The following MAPK6 variants were observed in gnomAD, a reference collection of about 807,000 sequenced individuals.
MAPK6 encodes ERK-3.
A neutral mutation model predicts 59.3 loss-of-function variants in MAPK6; 19 were observed. The ratio of observed to expected loss-of-function variants is 0.32; its 90% CI spans 0.22 to 0.47. MAPK6 has a LOEUF of 0.47. MAPK6 is among the 20% of genes least tolerant of loss of function. The pLI is 1.00. For missense variants in MAPK6, 724 were observed against 847.9 expected, an observed-to-expected ratio of 0.85 and a Z score of 1.81; for synonymous variants, 316 against 290.3, an observed-to-expected ratio of 1.09 and a Z score of -0.90.
At chr15:51,999,350 G>T (rs1164509435) in intron 2 of MAPK6, among the ~76,000 whole-genome samples, 1 of 152,168 alleles carries the variant, frequency 6.6e-6, no homozygotes, top group African/African-American at 2.4e-5. Context: ...GTATCTCATT[G>T]TAGGTTTGAT....
chr15:51,977,017 G>A (rs953621481), intron 1 of MAPK6, among the ~76,000 whole-genome samples: 7 of 151,434 alleles, frequency 4.6e-5, no homozygotes, highest in South Asian at 2.1e-4. Context: ...ATTTTTGGGG[G>A]AAGGGGGATG....
At chr15:51,977,307 C>T (rs533396776) in intron 1 of MAPK6, among the ~76,000 whole-genome samples, 1 of 151,556 alleles carries the variant, frequency 6.6e-6, no homozygotes, top group East Asian at 1.9e-4. Flanking sequence ...CCGGCCGATC[C>T]ATCTTAGAAT....
intron 3 of MAPK6, among the ~76,000 whole-genome samples, chr15:52,013,020 AATATATATATATATATAT>A (rs71130116): frequency 6.3e-4 from 12 of 19,124 alleles, no homozygotes; most frequent in South Asian, 3.1e-3. Context: ...AAAAAAAAAA[AATATATATATATATATAT>A]ATATATATAT....
At chr15:51,986,124 G>T (rs946897996) in intron 2 of MAPK6, among the ~76,000 whole-genome samples, 1 of 152,170 alleles carries the variant, frequency 6.6e-6, no homozygotes, top group African/African-American at 2.4e-5. Context: ...GAGGCCTCAG[G>T]AAACTTACAA....
intron 3 of MAPK6, chr15:52,011,115 A>G (rs981957751): frequency 6.6e-6 from 1 of 152,200 alleles, no homozygotes; most frequent in Non-Finnish European, 1.5e-5. Context: ...GAGATACTTG[A>G]GTCACCCTAC....
chr15:51,983,179 A>G (rs553648906), intron 1 of MAPK6, among the ~76,000 whole-genome samples: 2 of 152,308 alleles, frequency 1.3e-5, no homozygotes, highest in East Asian at 3.9e-4. Flanking sequence ...TGCAAAAACA[A>G]TATTAACCTT....
Position 52,064,530 on chromosome 15 carries a change from A to T in MAPK6, c.1696A>T (p.Ile566Leu), listed in dbSNP as rs1421124344. The T allele has an allele frequency of 8.7e-6, 14 of 1,610,804 alleles. No individual in the cohort carries two copies. In the East Asian group the frequency reaches 3.1e-4, roughly 36 times the overall value. The change falls in exon 6 of 6, where the codon ATA becomes TTA. Residue 566 changes from isoleucine (I) to leucine (L), a missense_variant. By Grantham distance (5) the Ile-to-Leu change is conservative. Transcript: ENST00000261845. The part of the protein sequence containing the change: ...SVSQLELKSL[I>L]SKSVSQEKQE... Reference sequence around the variant, plus strand: ...GTCCCAACTAGAATTGAAAAGTTTGATATCAAAGTCAGTAAGCCAAGAAAA... The same window carrying T: ...GTCCCAACTAGAATTGAAAAGTTTGTTATCAAAGTCAGTAAGCCAAGAAAA...
chr15:52,016,070 G>GCGCGCGCACGCACACACACACA, upstream of MAPK6, among the ~76,000 whole-genome samples: 4 of 55,392 alleles, frequency 7.2e-5, no homozygotes, highest in Admixed American at 5.9e-4. Context: ...GCGCGCGCGC[G>GCGCGCGCACGCACACACACACA]CACACACACA....
At chr15:52,062,068 T>A (rs1455092091) in intron 5 of MAPK6, among the ~76,000 whole-genome samples, 1 of 123,914 alleles carries the variant, frequency 8.1e-6, no homozygotes, top group Non-Finnish European at 1.6e-5. Context: ...AGATGCAGGA[T>A]TTTTTTTTTT....
chr15:52,022,256 A>C (rs1310532523), intron 1 of MAPK6, among the ~76,000 whole-genome samples: 1 of 152,166 alleles, frequency 6.6e-6, no homozygotes, highest in East Asian at 1.9e-4. Context: ...GTTTGTGGAC[A>C]GTAAAGTGTT....
chr15:52,065,300 G>C lies in MAPK6; in HGVS notation c.*300G>C, dbSNP rs1187551197. The C allele has an allele frequency of 8.5e-6, 2 of 234,176 alleles. No homozygotes were observed. Among genetic ancestry groups the C allele is most frequent in the African/African-American group, 4.5e-5 (2 of 44,186 alleles). 14.5% of individuals were successfully genotyped at this position (234,176 alleles called of 1,614,324 possible). On this transcript the variant is annotated 3_prime_UTR_variant, in exon 6 of 6. Transcript: ENST00000261845. ...CATAGAACATTGATCTGTTTTACAG[G>C]AAACAAACCTTGCCTTGAAATTTAC...
At chr15:52,057,828 A>T (rs1279438845) in intron 3 of MAPK6, among the ~76,000 whole-genome samples, 1 of 152,022 alleles carries the variant, frequency 6.6e-6, no homozygotes, top group African/African-American at 2.4e-5. Context: ...CCCTTAGCTT[A>T]CTCTCTTTTT....
At chr15:52,063,688 G>GA (rs2032297580) in intron 5 of MAPK6, among the ~76,000 whole-genome samples, 1 of 152,134 alleles carries the variant, frequency 6.6e-6, no homozygotes, top group Non-Finnish European at 1.5e-5. Context: ...AAACAAATTG[G>GA]AAATGAAGTT....
chr15:52,010,068 G>A (rs1205501048), intron 3 of MAPK6, among the ~76,000 whole-genome samples: 1 of 152,060 alleles, frequency 6.6e-6, no homozygotes, highest in Non-Finnish European at 1.5e-5. Flanking sequence ...ACCGTGCCTG[G>A]CCTTAAGTAA....
At chr15:52,016,399 A>G (rs975551228), upstream of MAPK6, among the ~76,000 whole-genome samples, 7 of 151,406 alleles carry the variant, frequency 4.6e-5, no homozygotes, top group South Asian at 1.5e-3. Flanking sequence ...CAAAAAAAGA[A>G]AAAAAAAACA....
chr15:52,008,058 G>A (rs2029950286), intron 3 of MAPK6, among the ~76,000 whole-genome samples: 1 of 152,036 alleles, frequency 6.6e-6, no homozygotes, highest in Admixed American at 6.6e-5. Context: ...TTTTGGGCAA[G>A]CTGGTCTCAA....
chr15:51,986,306 G>A (rs1308523486), intron 2 of MAPK6, among the ~76,000 whole-genome samples: 1 of 152,112 alleles, frequency 6.6e-6, no homozygotes, highest in South Asian at 2.1e-4. Flanking sequence ...AATTCAACAT[G>A]AGATTTGGGT....
chr15:52,042,674 G>A (rs974983474), intron 1 of MAPK6: 1 of 152,130 alleles, frequency 6.6e-6, no homozygotes, highest in African/African-American at 2.4e-5. Flanking sequence ...AGCATTATTT[G>A]TGCTTGACTA....
chr15:52,036,393 T>G (rs1301582736), intron 1 of MAPK6, among the ~76,000 whole-genome samples: 2 of 152,164 alleles, frequency 1.3e-5, no homozygotes, highest in South Asian at 4.1e-4. Flanking sequence ...AAGAGAAATT[T>G]ATTTCTTACA....
Sources: gnomAD v4.1 joint callset for allele counts (sites outside exome capture counted in the v4.1 genomes callset) on GRCh38, gnomAD v4.1.1 for gene constraint, MANE v1.5 for transcripts, NCBI Gene and HGNC (gene_info 2026-07-23, HGNC 2026-07-21) for gene names.